ATP8A1: variants seen among roughly 807,000 people sequenced by gnomAD.
The protein encoded by ATP8A1 is phospholipid-transporting ATPase IA.
A neutral mutation model predicts 177.7 loss-of-function variants in ATP8A1; 90 were observed. The observed-to-expected ratio is 0.51, with a 90% CI of 0.43 to 0.60. The LOEUF (loss-of-function observed/expected upper bound fraction) is 0.60. Ranked by LOEUF, ATP8A1 falls within the 20% of genes least tolerant of loss-of-function variation. The probability of loss-of-function intolerance (pLI) is 0.00; values close to 1 mark genes in which losing one functional copy is unlikely to be tolerated. For synonymous variants in ATP8A1, 493 were observed against 485.9 expected (o/e 1.01, Z -0.19); for missense variants, 1,072 against 1,392.8 (o/e 0.77, Z 3.67).
At chr4:42,425,284 C>A (rs999706419) in intron 33 of ATP8A1, among the ~76,000 whole-genome samples, 3 of 152,054 alleles carry the variant, frequency 2.0e-5, no homozygotes, top group African/African-American at 7.2e-5. Context: ...TAAATGTCCA[C>A]CAGTGGAAAA....
Position 42,440,335 on chromosome 4 carries a change from G to GTT in ATP8A1, c.3123+3228_3123+3229dup, listed in dbSNP as rs35291607. ...GACACTTCCCTCTCAAGCTCCTCCA[G>GTT]TTTTTTTTTTTTTTTTTTTTTAATC... On this transcript the variant is annotated intron_variant, in intron 33 of 36. Transcript: ENST00000381668. Among the ~76,000 whole-genome samples, 178 of 135,462 alleles carry GTT rather than the reference G, an allele frequency of 1.3e-3. 2 individuals are homozygous for GTT. Among genetic ancestry groups the GTT allele is most frequent in the African/African-American group, 3.9e-3 (143 of 36,814 alleles). 88.9% of individuals were successfully genotyped at this position (135,462 alleles called of 152,430 possible). A position where few individuals can be genotyped will look rare whatever the true frequency, so the allele number is the denominator to read the frequency against.
intron 35 of ATP8A1, among the ~76,000 whole-genome samples, chr4:42,417,648 G>GTGTT (rs1713398745): frequency 6.6e-6 from 1 of 152,190 alleles, no homozygotes; most frequent in Non-Finnish European, 1.5e-5. Context: ...GTGTTGGAAC[G>GTGTT]TGTTGTCTTA....
At chr4:42,524,220 C>T (rs1726441547) in intron 21 of ATP8A1, among the ~76,000 whole-genome samples, 1 of 152,112 alleles carries the variant, frequency 6.6e-6, no homozygotes, top group Non-Finnish European at 1.5e-5. Context: ...GCTTGTTTAT[C>T]CTATTTTGGA....
chr4:42,485,929 T>G (rs1722153065), intron 24 of ATP8A1, among the ~76,000 whole-genome samples: 1 of 152,212 alleles, frequency 6.6e-6, no homozygotes, highest in Non-Finnish European at 1.5e-5. Context: ...GTCACCTGTT[T>G]CTCAGGTGAT....
At chr4:42,633,895 T>C (rs993054280) in intron 1 of ATP8A1, among the ~76,000 whole-genome samples, 11 of 152,040 alleles carry the variant, frequency 7.2e-5, no homozygotes, top group East Asian at 1.9e-4. Context: ...TAAGGGACAG[T>C]TGTCAACCCA....
intron 20 of ATP8A1, among the ~76,000 whole-genome samples, chr4:42,525,410 T>TAAGA (rs79372370): frequency 0.14 from 21,838 of 152,168 alleles, 1,783 homozygotes; most frequent in East Asian, 0.26. Context: ...GAACAAACTT[T>TAAGA]AATACAGGAC....
chr4:42,612,962 C>G (rs1736521987), intron 5 of ATP8A1, among the ~76,000 whole-genome samples: 1 of 152,068 alleles, frequency 6.6e-6, no homozygotes, highest in South Asian at 2.1e-4. Context: ...GTGGACTTGA[C>G]AAACACTGAC....
At chr4:42,624,827 G>A (rs1345824237) in intron 3 of ATP8A1, among the ~76,000 whole-genome samples, 193 bp from the exon 4 acceptor site, 1 of 152,078 alleles carries the variant, frequency 6.6e-6, no homozygotes, top group Non-Finnish European at 1.5e-5. Flanking sequence ...TTCACAGTAA[G>A]CAGTTGTATA....
At chr4:42,561,971 G>C (rs181414438) in intron 15 of ATP8A1, 1 of 152,184 alleles carries the variant, frequency 6.6e-6, no homozygotes, top group Non-Finnish European at 1.5e-5. Context: ...GGTGGGTATC[G>C]TGACAAAAGT....
In ATP8A1 at chr4:42,455,313, A is replaced by G. The variant is rs372216957; in HGVS notation, c.2801T>C (p.Leu934Pro). The change falls in exon 29 of 37, where the codon CTG becomes CCG. Residue 934 changes from leucine to proline, a missense_variant. Leu to Pro is a moderately conservative substitution (Grantham distance 98). This residue lies in a region of ATP8A1 where 316 missense variants were observed against 459.1 expected (regional missense o/e 0.69). Coordinates refer to ENST00000381668, the MANE Select transcript of ATP8A1 (RefSeq NM_006095.2). ...GTGTCCTACCTTGGTGTTGAAGTCC[A>G]GGGCATTCTGAGATGTTTTGTATAA... ...PELYKTSQNA[L>P]DFNTKVFWVH... 6.2e-7 allele frequency: 1 copy of G among 1,613,688 alleles called. No individual in the cohort carries two copies. Among genetic ancestry groups the G allele is most frequent in the Admixed American group, 1.7e-5 (1 of 59,992 alleles).
rs113217228 is a variant in ATP8A1 at position 42,455,090 on chromosome 4, C to A, written c.2817+207G>T. On this transcript the variant is annotated intron_variant, in intron 29 of 36. Transcript: ENST00000381668. ...ATTTGGTTACATTTTAATAATAAAA[C>A]ACACAAAAAACCCCAAACTCAACCA... Among the ~76,000 whole-genome samples, 966 of 152,236 alleles carry A rather than the reference C, an allele frequency of 6.3e-3. 10 individuals carry two copies. The highest frequency in any genetic ancestry group is 0.022 in the African/African-American group (918 of 41,550).
rs1273058970 is a variant in ATP8A1 at position 42,627,507 on chromosome 4, C to T, written c.50-398G>A. ...AAAATTAAAGCATATGCATTTAATACTTTTCTGGGTTTTTTCCCAGATGAA... is the reference window on the plus strand; with the variant it reads ...AAAATTAAAGCATATGCATTTAATATTTTTCTGGGTTTTTTCCCAGATGAA... On this transcript the variant is annotated intron_variant, in intron 1 of 36. Coordinates refer to ENST00000381668, the MANE Select transcript of ATP8A1 (RefSeq NM_006095.2). Among the ~76,000 whole-genome samples, 3 of 152,158 alleles carry T rather than the reference C, an allele frequency of 2.0e-5. No individual in the cohort carries two copies. In the East Asian group the frequency reaches 5.8e-4, roughly 29 times the overall value.
In ATP8A1 at chr4:42,657,070, G is replaced by T. The variant is rs116622654; in HGVS notation, c.-197C>A. 0.025 allele frequency: 11,033 copies of T among 450,018 alleles called. 203 individuals carry two copies. The highest frequency in any genetic ancestry group is 0.065 in the African/African-American group (3,182 of 49,290). 27.9% of individuals were successfully genotyped at this position (450,018 alleles called of 1,614,324 possible). A position where few individuals can be genotyped will look rare whatever the true frequency, so the allele number is the denominator to read the frequency against. On this transcript the variant is annotated 5_prime_UTR_variant, in exon 1 of 37. Transcript: ENST00000381668. ...GGAGGAGAAAGGCAGCGGTGGCGGCGAAGGTGGCGGCGCCCGCAGAGCTGG... is the reference window on the plus strand; with the variant it reads ...GGAGGAGAAAGGCAGCGGTGGCGGCTAAGGTGGCGGCGCCCGCAGAGCTGG...
chr4:42,524,868 A>G (rs748517824), intron 20 of ATP8A1, 21 bp from the exon 21 acceptor site: 5 of 1,533,442 alleles, frequency 3.3e-6, no homozygotes, highest in East Asian at 4.6e-5. Context: ...AACAGAGGGT[A>G]AAATGATTTA....
chr4:42,620,536 GC>G lies in ATP8A1; in HGVS notation c.363+3999del, dbSNP rs531890416. Among the ~76,000 whole-genome samples the G allele has an allele frequency of 1.2e-4, 19 of 152,260 alleles. No individual in the cohort carries two copies. In the South Asian group the frequency reaches 3.5e-3, roughly 28 times the overall value. On this transcript the variant is annotated intron_variant, in intron 4 of 36. Transcript: ENST00000381668. Reference sequence around the variant, plus strand: ...CCATAGCTAGAGAGATTATAGCTTTGCCAGGGAACAAAACAAAGCAAAACAA... The same window carrying G: ...CCATAGCTAGAGAGATTATAGCTTTGCAGGGAACAAAACAAAGCAAAACAA...
chr4:42,567,217 T>G (rs1254229013), intron 15 of ATP8A1, among the ~76,000 whole-genome samples: 1 of 152,206 alleles, frequency 6.6e-6, no homozygotes, highest in African/African-American at 2.4e-5. Flanking sequence ...ACTTATTTTA[T>G]AGATGGAGAA....
rs867326394 is a variant in ATP8A1 at position 42,409,215 on chromosome 4, A to T, written c.*3701T>A. Reference sequence around the variant, plus strand: ...CTTTAAATATGAACTCATGCAAACCATAAACCTATCAAAAACACAGCTGTT... The same window carrying T: ...CTTTAAATATGAACTCATGCAAACCTTAAACCTATCAAAAACACAGCTGTT... On this transcript the variant is annotated 3_prime_UTR_variant, in exon 37 of 37. Transcript: ENST00000381668. 5.9e-5 allele frequency: 9 copies of T among 152,218 alleles called. No homozygotes were observed. The highest frequency in any genetic ancestry group is 2.2e-4 in the African/African-American group (9 of 41,472). 9.4% of individuals were successfully genotyped at this position (152,218 alleles called of 1,614,324 possible). A position where few individuals can be genotyped will look rare whatever the true frequency, so the allele number is the denominator to read the frequency against.
intron 27 of ATP8A1, among the ~76,000 whole-genome samples, chr4:42,458,998 G>A (rs528366300): frequency 1.2e-4 from 19 of 152,306 alleles, no homozygotes; most frequent in African/African-American, 4.6e-4. Context: ...TCACAGTATT[G>A]ACATGAGCCA....
At chr4:42,561,952 T>A (rs1730881224) in intron 15 of ATP8A1, 1 of 152,234 alleles carries the variant, frequency 6.6e-6, no homozygotes, top group Non-Finnish European at 1.5e-5. Context: ...ATTATAATGA[T>A]GATCTAATGG....
Sources: allele counts gnomAD v4.1 joint callset (sites outside exome capture counted in the v4.1 genomes callset), GRCh38; gene constraint gnomAD v4.1.1; regional missense constraint gnomAD v4.1.1; transcripts MANE v1.5; gene names NCBI Gene and HGNC (gene_info 2026-07-23, HGNC 2026-07-21).